FSIP1: variants seen among roughly 807,000 people sequenced by gnomAD.
The protein encoded by FSIP1 is fibrous sheath interacting protein 1.
A neutral mutation model predicts 60.9 loss-of-function variants in FSIP1; 65 were observed. The ratio of observed to expected loss-of-function variants is 1.07; its 90% confidence interval spans 0.87 to 1.31. FSIP1 has a LOEUF of 1.31. FSIP1 is among the 40% of genes most tolerant of loss of function. The probability of loss-of-function intolerance (pLI) is 0.00; values close to 1 mark genes in which losing one functional copy is unlikely to be tolerated. For missense variants in FSIP1, 675 were observed against 665.5 expected (o/e 1.01, Z -0.16); for synonymous variants, 209 against 221.2 (o/e 0.94, Z 0.49).
chr15:39,736,677 G>A (rs567580673), intron 8 of FSIP1, among the ~76,000 whole-genome samples: 7 of 152,268 alleles, frequency 4.6e-5, no homozygotes, highest in East Asian at 3.9e-4. Flanking sequence ...AAAAAACTAC[G>A]CTCTGAATCT....
chr15:39,649,544 C>T (rs1005799106), intron 10 of FSIP1, among the ~76,000 whole-genome samples: 3 of 152,184 alleles, frequency 2.0e-5, no homozygotes, highest in African/African-American at 7.2e-5. Flanking sequence ...TATCTAGGCA[C>T]ATATAAAAAT....
intron 10 of FSIP1, among the ~76,000 whole-genome samples, chr15:39,642,860 G>C (rs1383754684): frequency 6.6e-6 from 1 of 152,188 alleles, no homozygotes; most frequent in African/African-American, 2.4e-5. Flanking sequence ...TATTGTCATT[G>C]TGTTCATCCA....
At chr15:39,751,761 G>T (rs955771620) in intron 5 of FSIP1, among the ~76,000 whole-genome samples, 3 of 151,908 alleles carry the variant, frequency 2.0e-5, no homozygotes, top group Admixed American at 6.6e-5. Flanking sequence ...GACTATAATT[G>T]ATAATAGTGT....
chr15:39,747,574 G>A (rs1178218995), intron 5 of FSIP1: 1 of 152,108 alleles, frequency 6.6e-6, no homozygotes, highest in Non-Finnish European at 1.5e-5. Context: ...TATGAGCAGT[G>A]AATTATCCAC....
At chr15:39,671,834 C>T (rs1893732647) in intron 10 of FSIP1, among the ~76,000 whole-genome samples, 1 of 152,114 alleles carries the variant, frequency 6.6e-6, no homozygotes, top group Non-Finnish European at 1.5e-5. Context: ...TCAAAGTTAC[C>T]ATTCTCATCA....
intron 5 of FSIP1, among the ~76,000 whole-genome samples, chr15:39,757,224 A>C (rs12324411): frequency 6.6e-6 from 1 of 152,072 alleles, no homozygotes; most frequent in Non-Finnish European, 1.5e-5. Context: ...ATAATTTTTA[A>C]ATTTTTATAC....
intron 10 of FSIP1, among the ~76,000 whole-genome samples, chr15:39,705,623 G>A (rs569518148): frequency 2.6e-5 from 4 of 151,950 alleles, no homozygotes; most frequent in Non-Finnish European, 2.9e-5. Flanking sequence ...GCCAATATAC[G>A]AATATATATA....
chr15:39,624,150 G>A (rs1363938995), intron 10 of FSIP1, among the ~76,000 whole-genome samples: 1 of 152,176 alleles, frequency 6.6e-6, no homozygotes, highest in Non-Finnish European at 1.5e-5. Context: ...CAAGCCCAAG[G>A]TTTTGGCAGG....
chr15:39,690,552 C>A (rs1424066082), intron 10 of FSIP1, among the ~76,000 whole-genome samples: 2 of 152,122 alleles, frequency 1.3e-5, no homozygotes, highest in Admixed American at 1.3e-4. Context: ...ACAGCCCTAC[C>A]CCAAATTGTT....
intron 3 of FSIP1, 63 bp from the exon 4 acceptor site, chr15:39,765,809 T>G: frequency 1.1e-6 from 1 of 905,220 alleles, no homozygotes; most frequent in Non-Finnish European, 1.7e-6. Context: ...TTTTGTTTTG[T>G]TCTTACAATT....
chr15:39,707,461 G>A (rs1895322642), intron 10 of FSIP1, among the ~76,000 whole-genome samples: 1 of 151,778 alleles, frequency 6.6e-6, no homozygotes, highest in African/African-American at 2.4e-5. Context: ...GCCTTTCTTG[G>A]CCCACCCTTC....
intron 10 of FSIP1, among the ~76,000 whole-genome samples, chr15:39,672,502 T>C (rs1893762130): frequency 6.6e-6 from 1 of 152,228 alleles, no homozygotes; most frequent in Admixed American, 6.5e-5. Context: ...ACTGCGGTTC[T>C]TTATAACACT....
chr15:39,676,664 C>A (rs1250506585), intron 10 of FSIP1, among the ~76,000 whole-genome samples: 8 of 152,118 alleles, frequency 5.3e-5, no homozygotes, highest in Non-Finnish European at 1.5e-5. Context: ...TCTTTAATAG[C>A]CAGATATTTA....
rs371666427 is a variant in FSIP1 at position 39,640,678 on chromosome 15, G to A, written c.1189-22433C>T. On this transcript the variant is annotated intron_variant, in intron 10 of 11. Transcript: ENST00000350221. ...TTGGGCAGCCCCCAGAATCACAGCA[G>A]ATTCACAAAGACTCCAGTGCAACCA... is the stretch of plus-strand genomic sequence containing the variant. Among the ~76,000 whole-genome samples, 7 of 144,340 alleles carry A rather than the reference G, an allele frequency of 4.8e-5. No homozygotes were observed. The East Asian group carries it at 8.2e-4, about 17-fold the overall frequency. 94.7% of individuals were successfully genotyped at this position (144,340 alleles called of 152,430 possible).
At chr15:39,678,835 C>CA (rs1259711162) in intron 10 of FSIP1, among the ~76,000 whole-genome samples, 1 of 152,146 alleles carries the variant, frequency 6.6e-6, no homozygotes, top group Non-Finnish European at 1.5e-5. Context: ...CCATACAAAC[C>CA]AAACCACAAA....
intron 2 of FSIP1, among the ~76,000 whole-genome samples, chr15:39,771,909 G>A (rs1595405636): frequency 1.3e-5 from 2 of 152,108 alleles, no homozygotes; most frequent in African/African-American, 4.8e-5. Context: ...AGTCACACAA[G>A]TTCTGCCTGT....
intron 10 of FSIP1, among the ~76,000 whole-genome samples, chr15:39,691,314 G>A (rs1322660325): frequency 6.6e-6 from 1 of 152,222 alleles, no homozygotes; most frequent in African/African-American, 2.4e-5. Context: ...GGATGCAACT[G>A]CTCCTGTTCT....
intron 11 of FSIP1, among the ~76,000 whole-genome samples, chr15:39,613,454 C>G (rs976292448): frequency 6.6e-6 from 1 of 152,072 alleles, no homozygotes; most frequent in African/African-American, 2.4e-5. Flanking sequence ...GAGGTTGACT[C>G]AGTAATAAAA....
chr15:39,774,186 T>C (rs998533330), intron 2 of FSIP1, among the ~76,000 whole-genome samples: 1 of 152,114 alleles, frequency 6.6e-6, no homozygotes, highest in Non-Finnish European at 1.5e-5. Context: ...AAAAAACTGA[T>C]CTAAAGCACA....
Sources: gnomAD v4.1 joint callset for allele counts (sites outside exome capture counted in the v4.1 genomes callset) on GRCh38, gnomAD v4.1.1 for gene constraint, MANE v1.5 for transcripts, NCBI Gene and HGNC (gene_info 2026-07-23, HGNC 2026-07-21) for gene names.